The following ADGRL2 variants were observed in gnomAD, a reference collection of about 807,000 sequenced individuals.
ADGRL2 encodes adhesion G protein-coupled receptor L2.
Under a neutral mutation model 157.4 loss-of-function variants are expected in ADGRL2, and 44 were observed. The ratio of observed to expected loss-of-function variants is 0.28; its 90% CI spans 0.22 to 0.36. The LOEUF is 0.36. Ranked by LOEUF, ADGRL2 falls within the 10% of genes least tolerant of loss-of-function variation. The pLI is 1.00. For synonymous variants in ADGRL2, 585 were observed against 624.7 expected, an observed-to-expected ratio of 0.94 and a Z score of 0.95; for missense variants, 1,510 against 1,768.9, an observed-to-expected ratio of 0.85 and a Z score of 2.63.
At position 81,966,146 on chromosome 1, in the gene ADGRL2, A is replaced by G. The variant is rs746482025; in HGVS notation, c.2106A>G (p.Gln702=). Residue 702 remains glutamine, a synonymous_variant, in exon 12 of 24, where the codon CAA becomes CAG. Coordinates refer to ENST00000686636, the MANE Select transcript of ADGRL2 (RefSeq NM_001366006.2). ...LGIKGAGSSI[Q]LSANTVKQNS... The stretch of plus-strand genomic sequence containing the variant: ...TCAAAGGAGCAGGCAGCTCAATCCA[A>G]CTGTCCGCAAATACCGTCAAACAGA... The G allele has an allele frequency of 9.9e-6, 16 of 1,614,014 alleles. No individual in the cohort carries two copies. Among genetic ancestry groups the G allele is most frequent in the East Asian group, 2.2e-5 (1 of 44,878 alleles).
At chr1:81,382,180 T>C (rs1195292522) in intron 1 of ADGRL2, among the ~76,000 whole-genome samples, 1 of 152,218 alleles carries the variant, frequency 6.6e-6, no homozygotes, top group Non-Finnish European at 1.5e-5. Context: ...CCAGGGGAGT[T>C]AGTCTGTTGT....
At position 81,469,634 on chromosome 1, in the gene ADGRL2, A is replaced by AT. The variant is rs781199806; in HGVS notation, c.-248+24545_-248+24546insT. On this transcript the variant is annotated intron_variant, in intron 2 of 24. Coordinates refer to the ADGRL2 transcript ENST00000370721. ...TATTTCTTTCCCTTTTATCTAAAAAAACCACAGGCGGGCTCTATTCCTTTC... is the reference window on the plus strand; with the variant it reads ...TATTTCTTTCCCTTTTATCTAAAAAATACCACAGGCGGGCTCTATTCCTTTC... Among the ~76,000 whole-genome samples, 3 of 152,188 alleles carry AT rather than the reference A, an allele frequency of 2.0e-5. No individual in the cohort carries two copies. In the East Asian group the frequency reaches 5.8e-4, roughly 29 times the overall value.
intron 2 of ADGRL2, among the ~76,000 whole-genome samples, chr1:81,521,795 TA>T: frequency 6.6e-6 from 1 of 152,298 alleles, no homozygotes; most frequent in South Asian, 2.1e-4. Context: ...GTGGAGGAAT[TA>T]AATTCTTCTT....
chr1:81,655,221 C>T (rs1047082441), intron 3 of ADGRL2, among the ~76,000 whole-genome samples: 3 of 152,114 alleles, frequency 2.0e-5, no homozygotes, highest in Non-Finnish European at 4.4e-5. Context: ...AGGATGATCT[C>T]GATCTCCTGA....
chr1:81,596,718 A>G (rs1174563250), intron 3 of ADGRL2, among the ~76,000 whole-genome samples: 1 of 152,142 alleles, frequency 6.6e-6, no homozygotes, highest in Non-Finnish European at 1.5e-5. Flanking sequence ...GAGGTGATTA[A>G]AATGTATCAA....
chr1:81,386,908 A>G (rs1005232721), intron 1 of ADGRL2, among the ~76,000 whole-genome samples: 6 of 152,150 alleles, frequency 3.9e-5, no homozygotes, highest in Non-Finnish European at 8.8e-5. Flanking sequence ...CCTGTTTTCA[A>G]TGCCATCCTC....
intron 3 of ADGRL2, among the ~76,000 whole-genome samples, chr1:81,639,601 AAGCAGTAGT>A (rs139325028): frequency 0.12 from 18,736 of 150,856 alleles, 1,611 homozygotes; most frequent in Non-Finnish European, 0.18. Context: ...AATCAAAAGA[AAGCAGTAGT>A]AACTATATTA....
chr1:81,427,517 T>C (rs1454670996), intron 1 of ADGRL2: 4 of 750,200 alleles, frequency 5.3e-6, no homozygotes, highest in Non-Finnish European at 7.3e-6. Context: ...TACGAACCCA[T>C]GTAAGGGGGC....
chr1:81,372,079 G>A (rs1314329352), intron 1 of ADGRL2, among the ~76,000 whole-genome samples: 1 of 152,138 alleles, frequency 6.6e-6, no homozygotes. Flanking sequence ...GATATCACAT[G>A]TCAAAGCGAA....
At chr1:81,982,021 G>T in intron 19 of ADGRL2, 45 bp downstream of exon 19, 2 of 1,460,044 alleles carry the variant, frequency 1.4e-6, no homozygotes, top group South Asian at 2.4e-5. Flanking sequence ...CTCATTCTTT[G>T]ATTTGAATAT....
chr1:81,615,109 G>T (rs923288430), intron 3 of ADGRL2, among the ~76,000 whole-genome samples: 2 of 152,178 alleles, frequency 1.3e-5, no homozygotes, highest in Non-Finnish European at 2.9e-5. Flanking sequence ...ATATTGAAAG[G>T]TGAAGCCGGC....
intron 2 of ADGRL2, among the ~76,000 whole-genome samples, chr1:81,470,513 A>T (rs1011314612): frequency 2.6e-5 from 4 of 152,120 alleles, no homozygotes; most frequent in Admixed American, 2.6e-4. Flanking sequence ...GAATTTTCTC[A>T]ACTTCCTCTT....
chr1:81,678,553 T>C (rs2148944609), intron 3 of ADGRL2, among the ~76,000 whole-genome samples: 1 of 152,302 alleles, frequency 6.6e-6, no homozygotes. Flanking sequence ...ACAGAGGTAT[T>C]TTTGTTATTC....
In ADGRL2 at chr1:81,379,231, T is replaced by C. The variant is rs371566836; in HGVS notation, c.-301-65805T>C. On this transcript the variant is annotated intron_variant, in intron 1 of 24. Transcript: ENST00000370721. ...ATAGGGGTGTGGCTCGCTTCTTCAG[T>C]GCTCCGCTGCTCAAACCTCTAGGGG... Among the ~76,000 whole-genome samples the C allele has an allele frequency of 3.4e-4, 52 of 152,268 alleles. No homozygotes were observed. In the East Asian group the frequency reaches 8.2e-3, roughly 24 times the overall value.
intron 2 of ADGRL2, among the ~76,000 whole-genome samples, chr1:81,792,946 G>A (rs2087420017): frequency 6.6e-6 from 1 of 151,918 alleles, no homozygotes; most frequent in Non-Finnish European, 1.5e-5. Flanking sequence ...ATTTTACTCA[G>A]GTCATTCTCT....
At chr1:81,751,276 T>C (rs977349907) in intron 1 of ADGRL2, among the ~76,000 whole-genome samples, 1 of 152,148 alleles carries the variant, frequency 6.6e-6, no homozygotes, top group East Asian at 1.9e-4. Context: ...TCTACTTCCC[T>C]GCAATATACT....
intron 1 of ADGRL2, among the ~76,000 whole-genome samples, chr1:81,833,269 A>T (rs1386974977): frequency 6.6e-6 from 1 of 152,220 alleles, no homozygotes; most frequent in Admixed American, 6.5e-5. Flanking sequence ...CATAATAACA[A>T]GGATGGGTGA....
chr1:81,601,272 C>A (rs2081328771), intron 3 of ADGRL2, among the ~76,000 whole-genome samples: 1 of 152,082 alleles, frequency 6.6e-6, no homozygotes, highest in South Asian at 2.1e-4. Flanking sequence ...AGAATATTAA[C>A]TTTGGTGAGT....
At chr1:81,701,665 A>T (rs1482350289) in intron 1 of ADGRL2, among the ~76,000 whole-genome samples, 13 of 152,180 alleles carry the variant, frequency 8.5e-5, no homozygotes, top group Non-Finnish European at 1.8e-4. Context: ...TTATTAAGGA[A>T]TTTGCCCAAG....
Sources: allele counts gnomAD v4.1 joint callset (sites outside exome capture counted in the v4.1 genomes callset), GRCh38; gene constraint gnomAD v4.1.1; transcripts MANE v1.5; gene names NCBI Gene and HGNC (gene_info 2026-07-23, HGNC 2026-07-21).